CADPS: variants seen among roughly 807,000 people sequenced by gnomAD.
CADPS encodes calcium dependent secretion activator.
In CADPS, 57 loss-of-function variants were observed where a neutral mutation model predicts 167.3. The ratio of observed to expected loss-of-function variants is 0.34; its 90% CI spans 0.28 to 0.42. The LOEUF is 0.42. Among genes scored for constraint, CADPS ranks in the 20% least tolerant of loss-of-function variants. CADPS has a pLI of 1.00. For missense variants in CADPS, 1,414 were observed against 1,738.1 expected, an observed-to-expected ratio of 0.81 and a Z score of 3.32; for synonymous variants, 676 against 635.3, an observed-to-expected ratio of 1.06 and a Z score of -0.96.
intron 22 of CADPS, among the ~76,000 whole-genome samples, chr3:62,481,125 T>C (rs2061955726): frequency 6.6e-6 from 1 of 152,260 alleles, no homozygotes; most frequent in Non-Finnish European, 1.5e-5. Context: ...CACCATATTG[T>C]ACTGTGACCT....
intron 28 of CADPS, among the ~76,000 whole-genome samples, chr3:62,434,309 G>C (rs914659806): frequency 1.3e-5 from 2 of 152,134 alleles, no homozygotes; most frequent in African/African-American, 4.8e-5. Flanking sequence ...CTGCACATCT[G>C]AAATATTATG....
At chr3:62,406,407 A>C (rs1028955711) in intron 28 of CADPS, among the ~76,000 whole-genome samples, 4 of 152,136 alleles carry the variant, frequency 2.6e-5, no homozygotes, top group Non-Finnish European at 2.9e-5. Context: ...ATTTGTTATG[A>C]TCTTCAAAGG....
chr3:62,668,800 G>A (rs1420395510), intron 3 of CADPS, among the ~76,000 whole-genome samples: 1 of 152,130 alleles, frequency 6.6e-6, no homozygotes, highest in Non-Finnish European at 1.5e-5. Context: ...TGGGCTCTGG[G>A]TAAATGCCTG....
At chr3:62,507,065 T>TC (rs796662405) in intron 17 of CADPS, among the ~76,000 whole-genome samples, 48 of 152,290 alleles carry the variant, frequency 3.2e-4, no homozygotes, top group African/African-American at 1.2e-3. Context: ...CTATTTGAGT[T>TC]CTTTTTTTTC....
intron 1 of CADPS, among the ~76,000 whole-genome samples, chr3:62,861,879 C>G (rs2080865532): frequency 6.6e-6 from 1 of 152,156 alleles, no homozygotes; most frequent in Non-Finnish European, 1.5e-5. Context: ...TATCTCATCT[C>G]TAAAGAGAGT....
intron 1 of CADPS, among the ~76,000 whole-genome samples, chr3:62,817,562 C>G (rs1470751675): frequency 1.3e-5 from 2 of 152,136 alleles, no homozygotes; most frequent in African/African-American, 4.8e-5. Flanking sequence ...CCCTTAGAAC[C>G]ATGAGCTATG....
chr3:62,701,123 G>A (rs4453833), intron 3 of CADPS, among the ~76,000 whole-genome samples: 83,733 of 151,452 alleles, frequency 0.55, 24,485 homozygotes, highest in East Asian at 0.89. Context: ...ATACTATCAC[G>A]CTGAACGTTA....
chr3:62,791,029 C>G (rs1222546202), intron 1 of CADPS, among the ~76,000 whole-genome samples: 2 of 150,072 alleles, frequency 1.3e-5, no homozygotes, highest in African/African-American at 2.5e-5. Context: ...TATCAGTATT[C>G]TTTGTGCAAT....
At chr3:62,851,470 G>A (rs1310295923) in intron 1 of CADPS, among the ~76,000 whole-genome samples, 2 of 149,676 alleles carry the variant, frequency 1.3e-5, no homozygotes, top group Admixed American at 1.3e-4. Context: ...GGCAGGCCTT[G>A]TGGTGACAAA....
intron 12 of CADPS, among the ~76,000 whole-genome samples, chr3:62,533,268 T>C (rs895685792): frequency 6.6e-6 from 1 of 152,110 alleles, no homozygotes; most frequent in South Asian, 2.1e-4. Flanking sequence ...ATCCCTGTTA[T>C]AAAGATGGAA....
At chr3:62,650,052 A>G (rs2069688188) in intron 5 of CADPS, among the ~76,000 whole-genome samples, 2 of 152,206 alleles carry the variant, frequency 1.3e-5, no homozygotes, top group African/African-American at 2.4e-5. Flanking sequence ...TTACAGTCAA[A>G]TCTTTGTGCA....
chr3:62,566,751 G>A (rs1211050332), intron 9 of CADPS, among the ~76,000 whole-genome samples: 2 of 152,114 alleles, frequency 1.3e-5, no homozygotes, highest in Admixed American at 6.6e-5. Flanking sequence ...GGACTCTCAC[G>A]TCACCTCTGT....
intron 17 of CADPS, among the ~76,000 whole-genome samples, chr3:62,500,814 A>C (rs976034679): frequency 2.0e-5 from 3 of 152,220 alleles, no homozygotes; most frequent in Non-Finnish European, 2.9e-5. Context: ...TTTACAAAAA[A>C]AAAGGTTCTT....
At chr3:62,774,152 G>T (rs2196708) in intron 1 of CADPS, among the ~76,000 whole-genome samples, 2 of 152,018 alleles carry the variant, frequency 1.3e-5, no homozygotes, top group Non-Finnish European at 2.9e-5. Context: ...AAGATCAAAA[G>T]AGAAGAGGAA....
chr3:62,586,824 C>A (rs903826277), intron 7 of CADPS, among the ~76,000 whole-genome samples: 1 of 152,068 alleles, frequency 6.6e-6, no homozygotes, highest in African/African-American at 2.4e-5. Flanking sequence ...AATATATTAC[C>A]TTATCACATA....
intron 3 of CADPS, among the ~76,000 whole-genome samples, chr3:62,711,701 A>G (rs2083422184): frequency 6.6e-6 from 1 of 152,222 alleles, no homozygotes; most frequent in African/African-American, 2.4e-5. Flanking sequence ...CCCTCAGGTC[A>G]ACACTCCTAG....
chr3:62,768,184 A>G (rs570728861), intron 1 of CADPS, among the ~76,000 whole-genome samples: 1 of 152,358 alleles, frequency 6.6e-6, no homozygotes, highest in East Asian at 1.9e-4. Flanking sequence ...CTGAAATATT[A>G]GGTAGCAGTT....
At chr3:62,557,579 C>G (rs747417466) in intron 9 of CADPS, 66 bp from the exon 10 acceptor site, 2 of 1,217,442 alleles carry the variant, frequency 1.6e-6, no homozygotes, top group Non-Finnish European at 2.4e-6. Flanking sequence ...AACCCTCCCC[C>G]ATGTTCTCTC....
chr3:62,831,242 C>A (rs1000256509), intron 1 of CADPS, among the ~76,000 whole-genome samples: 1 of 152,126 alleles, frequency 6.6e-6, no homozygotes, highest in Non-Finnish European at 1.5e-5. Flanking sequence ...GAAAACTCTT[C>A]GAAGTAAACA....
Sources: allele counts gnomAD v4.1 joint callset (sites outside exome capture counted in the v4.1 genomes callset), GRCh38; gene constraint gnomAD v4.1.1; transcripts MANE v1.5; gene names NCBI Gene and HGNC (gene_info 2026-07-23, HGNC 2026-07-21).